Variants in ZIM2 observed in about 807,000 individuals in gnomAD.
ZIM2 encodes zinc finger protein 656.
A neutral mutation model predicts 38.6 loss-of-function variants in ZIM2; 14 were observed. The ratio of observed to expected loss-of-function variants is 0.36; its 90% CI spans 0.24 to 0.57. The LOEUF (loss-of-function observed/expected upper bound fraction) is 0.57. Ranked by LOEUF, ZIM2 falls within the 20% of genes least tolerant of loss-of-function variation. The pLI is 0.81. For missense variants in ZIM2, 680 were observed against 695.1 expected (o/e 0.98, Z 0.24); for synonymous variants, 247 against 245.8 (o/e 1.00, Z -0.04).
intron 1 of ZIM2, among the ~76,000 whole-genome samples, chr19:56,836,453 C>T (rs1029197361): frequency 3.3e-5 from 5 of 152,138 alleles, no homozygotes; most frequent in African/African-American, 1.2e-4. Flanking sequence ...GCTATCCTAT[C>T]GTTATTATTA....
Position 56,836,049 on chromosome 19 carries a change from T to G in ZIM2, c.-258A>C, listed in dbSNP as rs541965679. The G allele has an allele frequency of 2.5e-4, 127 of 509,796 alleles. No individual in the cohort carries two copies. Among genetic ancestry groups the G allele is most frequent in the African/African-American group, 2.3e-3 (120 of 51,910 alleles). The allele number at this position is 509,796 out of a possible 1,614,324, so 31.6% of individuals were successfully genotyped here. On this transcript the variant is annotated 5_prime_UTR_variant, in exon 2 of 13. Transcript: ENST00000629319. Reference sequence around the variant, plus strand: ...CCAGCCACCTAGCGTTTGGACCTAGTCCCTCTTCCTCTCGCCAGTCGTCTC... The same window carrying G: ...CCAGCCACCTAGCGTTTGGACCTAGGCCCTCTTCCTCTCGCCAGTCGTCTC...
intron 11 of ZIM2, among the ~76,000 whole-genome samples, chr19:56,779,916 C>T (rs1310283417): frequency 6.6e-6 from 1 of 152,200 alleles, no homozygotes; most frequent in African/African-American, 2.4e-5. Context: ...GGATAACGTC[C>T]ACTGCCCCTT....
chr19:56,822,669 C>G (rs767557448), intron 6 of ZIM2, 84 bp downstream of exon 6: 7 of 1,544,744 alleles, frequency 4.5e-6, no homozygotes, highest in Admixed American at 1.9e-5. Flanking sequence ...GCAGAAACTT[C>G]GAGGCCCTGG....
At position 56,789,977 on chromosome 19, in the gene ZIM2, G is replaced by A. The variant is rs530743620; in HGVS notation, c.491-26C>T. On this transcript the variant is annotated intron_variant, in intron 9 of 12. Transcript: ENST00000629319. ...CTAGAAGGGAGAGAGGAATACCATGGAATTGAGTCCTGTCTGGTAGCACTG... is the reference window on the plus strand; with the variant it reads ...CTAGAAGGGAGAGAGGAATACCATGAAATTGAGTCCTGTCTGGTAGCACTG... 4.9e-5 allele frequency: 74 copies of A among 1,507,820 alleles called. 2 individuals carry two copies. The South Asian group carries it at 9.2e-4, about 19-fold the overall frequency. The allele number at this position is 1,507,820 out of a possible 1,614,324, so 93.4% of individuals were successfully genotyped here.
rs573779308 is a variant in ZIM2, at chr19:56,781,918, G to C, written c.739+35C>G. ...GAGTTGAGAGCTACTGCCCTAGTGG[G>C]AAGAAACCAAGTCCTGTGGAGAAGG... On this transcript the variant is annotated intron_variant, in intron 11 of 12. Transcript: ENST00000629319. The C allele has an allele frequency of 1.6e-5, 25 of 1,603,458 alleles. No individual in the cohort carries two copies. In the South Asian group the frequency reaches 2.6e-4, roughly 16 times the overall value.
intron 9 of ZIM2, among the ~76,000 whole-genome samples, chr19:56,794,459 T>A (rs551933293): frequency 3.3e-5 from 5 of 152,348 alleles, no homozygotes; most frequent in Admixed American, 6.5e-5. Flanking sequence ...TAACAGTTTT[T>A]CCATTTGAAA....
chr19:56,824,208 C>A lies in ZIM2; in HGVS notation c.16+54G>T, dbSNP rs959846892. On this transcript the variant is annotated intron_variant, in intron 4 of 12. Coordinates refer to ENST00000629319, the MANE Select transcript of ZIM2 (RefSeq NM_001387356.1). Reference sequence around the variant, plus strand: ...GTCAGAAGTGTGGAGGCTGAGAGCCCCAGGGGACACCTGAGGCCTGCACTG... The same window carrying A: ...GTCAGAAGTGTGGAGGCTGAGAGCCACAGGGGACACCTGAGGCCTGCACTG... 3.8e-6 allele frequency: 6 copies of A among 1,580,388 alleles called. No individual in the cohort carries two copies. In the African/African-American group the frequency reaches 8.1e-5, roughly 21 times the overall value.
intron 3 of ZIM2, 96 bp from the exon 4 acceptor site, chr19:56,824,523 A>G (rs1568681461): frequency 2.5e-5 from 40 of 1,614,180 alleles, no homozygotes; most frequent in Non-Finnish European, 3.4e-5. Flanking sequence ...CTCTGATGAA[A>G]AAACTCAGAG....
chr19:56,816,245 T>C, intron 9 of ZIM2: 2 of 1,614,146 alleles, frequency 1.2e-6, no homozygotes, highest in Non-Finnish European at 1.7e-6. Flanking sequence ...GTATGACTCT[T>C]CTGAGATTCA....
chr19:56,806,598 G>A (rs1221050556), intron 9 of ZIM2, among the ~76,000 whole-genome samples: 7 of 152,304 alleles, frequency 4.6e-5, no homozygotes, highest in Non-Finnish European at 1.0e-4. Flanking sequence ...AAGAACAGGA[G>A]AATGTATATT....
chr19:56,782,769 AT>A (rs1427699630), intron 10 of ZIM2, among the ~76,000 whole-genome samples: 1 of 152,132 alleles, frequency 6.6e-6, no homozygotes, highest in Non-Finnish European at 1.5e-5. Flanking sequence ...TACGGGGTAC[AT>A]GAGATGCTTT....
At position 56,814,440 on chromosome 19, in the gene ZIM2, G is replaced by A. The variant is rs769688126; in HGVS notation, c.490+3306C>T. 1 of 1,613,484 alleles carries A rather than the reference G, an allele frequency of 6.2e-7. No homozygotes were observed. The highest frequency in any genetic ancestry group is 2.2e-5 in the East Asian group (1 of 44,874). The stretch of plus-strand genomic sequence containing the variant: ...GAATAAAGGACTTACCACAATCCTT[G>A]CATTCATAGAATGGTATAGCTCCTT... On this transcript the variant is annotated intron_variant, in intron 9 of 12. Transcript: ENST00000629319. The surrounding 1 kb of genome is among the most constrained non-coding windows in gnomAD (Gnocchi z 5.8).
intron 9 of ZIM2, among the ~76,000 whole-genome samples, chr19:56,805,401 T>C (rs989977662): frequency 3.7e-4 from 57 of 152,140 alleles, no homozygotes; most frequent in Admixed American, 2.2e-3. Flanking sequence ...CATCCCCCAG[T>C]TGTGGATTGG....
At chr19:56,777,825 T>C (rs761117974) in intron 12 of ZIM2, among the ~76,000 whole-genome samples, 5 of 152,192 alleles carry the variant, frequency 3.3e-5, no homozygotes, top group Non-Finnish European at 5.9e-5. Flanking sequence ...ATCTCACTTA[T>C]AATAAAATTC....
chr19:56,795,734 G>C (rs1385017288), intron 9 of ZIM2, among the ~76,000 whole-genome samples: 1 of 152,044 alleles, frequency 6.6e-6, no homozygotes, highest in East Asian at 1.9e-4. Context: ...CCAGCTACTC[G>C]AGAGGCTGAG....
intron 9 of ZIM2, chr19:56,816,649 C>A: frequency 6.2e-7 from 1 of 1,613,514 alleles, no homozygotes; most frequent in Non-Finnish European, 8.5e-7. Context: ...TTCACGTTCA[C>A]GTTCATGTTC....
chr19:56,777,785 C>A (rs1187927060), intron 12 of ZIM2, among the ~76,000 whole-genome samples: 1 of 152,158 alleles, frequency 6.6e-6, no homozygotes. Context: ...CTACTTCATG[C>A]CCCTGCTCAA....
At chr19:56,784,528 G>A (rs1007104233) in intron 10 of ZIM2, among the ~76,000 whole-genome samples, 3 of 152,126 alleles carry the variant, frequency 2.0e-5, no homozygotes, top group Non-Finnish European at 4.4e-5. Context: ...TCATGTGGTA[G>A]TCAGAGCATT....
At chr19:56,795,527 G>A (rs1472026342) in intron 9 of ZIM2, among the ~76,000 whole-genome samples, 1 of 152,224 alleles carries the variant, frequency 6.6e-6, no homozygotes, top group Non-Finnish European at 1.5e-5. Context: ...AACCAGCAGC[G>A]CATGCGCCGT....
Sources: allele counts gnomAD v4.1 joint callset (sites outside exome capture counted in the v4.1 genomes callset), GRCh38; gene constraint gnomAD v4.1.1; non-coding constraint Gnocchi (gnomAD v3.1); transcripts MANE v1.5; gene names NCBI Gene and HGNC (gene_info 2026-07-23, HGNC 2026-07-21).